Variants in ETFA observed in about 807,000 individuals in gnomAD.
ETFA encodes electron transfer flavoprotein subunit alpha, mitochondrial.
ETFA carries 22 observed loss-of-function variants against 46.2 expected under a neutral mutation model. The ratio of observed to expected loss-of-function variants is 0.48; its 90% CI spans 0.34 to 0.68. The LOEUF is 0.68. Among genes scored for constraint, ETFA ranks in the 30% least tolerant of loss-of-function variants. The probability of loss-of-function intolerance (pLI) is 0.01; values close to 1 mark genes in which losing one functional copy is unlikely to be tolerated. For missense variants in ETFA, 345 were observed against 401.1 expected (o/e 0.86, Z 1.19); for synonymous variants, 131 against 139.9 (o/e 0.94, Z 0.45).
At chr15:76,219,649 A>C (rs2142103324) in intron 11 of ETFA, among the ~76,000 whole-genome samples, 1 of 152,364 alleles carries the variant, frequency 6.6e-6, no homozygotes, top group East Asian at 1.9e-4. Flanking sequence ...AGCCCAACTG[A>C]AAATGGGCAA....
chr15:76,291,442 T>C (rs780161607), intron 4 of ETFA, among the ~76,000 whole-genome samples: 5 of 62,208 alleles, frequency 8.0e-5, no homozygotes, highest in Non-Finnish European at 1.1e-4. Flanking sequence ...TAAGACTCCA[T>C]CTCGAAAAAA....
At chr15:76,246,824 A>C (rs2039247473) in intron 9 of ETFA, among the ~76,000 whole-genome samples, 1 of 151,272 alleles carries the variant, frequency 6.6e-6, no homozygotes, top group Non-Finnish European at 1.5e-5. Context: ...CGGAGCCAAG[A>C]CTCCGTCTCA....
intron 9 of ETFA, among the ~76,000 whole-genome samples, chr15:76,241,482 T>G (rs2039187459): frequency 6.6e-6 from 1 of 151,506 alleles, no homozygotes. Context: ...CCAGCTTAGC[T>G]AATAGAGTGA....
intron 9 of ETFA, 100 bp downstream of exon 9, chr15:76,274,312 A>G (rs1249456806): frequency 2.1e-6 from 2 of 936,102 alleles, no homozygotes; most frequent in African/African-American, 1.6e-5. Context: ...ACTGCTCAGG[A>G]ACACTGAGTA....
intron 9 of ETFA, among the ~76,000 whole-genome samples, chr15:76,271,390 C>T (rs2141511831): frequency 6.6e-6 from 1 of 152,206 alleles, no homozygotes; most frequent in South Asian, 2.1e-4. Flanking sequence ...CTGTGATATT[C>T]CTGTTCAAGA....
intron 7 of ETFA, 88 bp from the exon 8 acceptor site, chr15:76,283,913 T>C: frequency 1.1e-6 from 1 of 903,958 alleles, no homozygotes; most frequent in South Asian, 1.4e-5. Context: ...GGAGTAAATT[T>C]TCATATTATG....
At chr15:76,233,965 T>C (rs540516388) in intron 9 of ETFA, among the ~76,000 whole-genome samples, 28 of 152,286 alleles carry the variant, frequency 1.8e-4, no homozygotes, top group African/African-American at 6.7e-4. Flanking sequence ...ATAAACATAA[T>C]ATAAATGAAA....
chr15:76,278,634 C>T lies in ETFA; in HGVS notation c.734-4140G>A, dbSNP rs147861846. Among the ~76,000 whole-genome samples, 176 of 152,316 alleles carry T rather than the reference C, an allele frequency of 1.2e-3. 1 individual carries two copies. The highest frequency in any genetic ancestry group is 4.1e-3 in the African/African-American group (169 of 41,572). On this transcript the variant is annotated intron_variant, in intron 8 of 11. Transcript: ENST00000557943. ...GCAGTTATACTAAGTTCCCCCAGTC[C>T]TTTCATTAGCTGTTTCCTAAACTAT... is the stretch of plus-strand genomic sequence containing the variant.
chr15:76,282,314 C>CA (rs1486280760), intron 8 of ETFA, among the ~76,000 whole-genome samples: 2 of 152,088 alleles, frequency 1.3e-5, no homozygotes, highest in Non-Finnish European at 2.9e-5. Context: ...CCAGGGATAT[C>CA]AGAGTAGCCA....
At chr15:76,303,397 T>C (rs1018344612) in intron 1 of ETFA, among the ~76,000 whole-genome samples, 3 of 152,132 alleles carry the variant, frequency 2.0e-5, no homozygotes, top group Non-Finnish European at 2.9e-5. Flanking sequence ...ATTTTGAACA[T>C]AGACCCTGGC....
intron 9 of ETFA, among the ~76,000 whole-genome samples, chr15:76,231,751 C>T (rs900159159): frequency 1.1e-4 from 17 of 152,170 alleles, no homozygotes; most frequent in African/African-American, 3.9e-4. Flanking sequence ...AAAATCACTG[C>T]ACAACCCATA....
At chr15:76,260,614 C>G in intron 9 of ETFA, 1 of 1,522,372 alleles carries the variant, frequency 6.6e-7, no homozygotes, top group Non-Finnish European at 9.0e-7. Flanking sequence ...GTTCCATTGT[C>G]TTAAACCCAG....
At position 76,286,267 on chromosome 15, in the gene ETFA, T is replaced by G. The variant is rs188388121; in HGVS notation, c.562+104A>C. The G allele has an allele frequency of 1.8e-3, 1,145 of 645,416 alleles. 9 individuals are homozygous for G. Among genetic ancestry groups the G allele is most frequent in the African/African-American group, 0.017 (937 of 54,584 alleles). The allele number at this position is 645,416 out of a possible 1,614,324, so 40.0% of individuals were successfully genotyped here. Reference sequence around the variant, plus strand: ...ATATCATTTAAATTGAACTTTCAAATACTATTCATTAGAAATGTAGGCAGA... The same window carrying G: ...ATATCATTTAAATTGAACTTTCAAAGACTATTCATTAGAAATGTAGGCAGA... On this transcript the variant is annotated intron_variant, in intron 6 of 11. Coordinates refer to ENST00000557943, the MANE Select transcript of ETFA (RefSeq NM_000126.4).
rs559731683 is a variant in ETFA, at chr15:76,254,824, G to A, written c.816+19588C>T. Among the ~76,000 whole-genome samples the A allele has an allele frequency of 6.3e-4, 96 of 152,198 alleles. 1 individual carries two copies. The highest frequency in any genetic ancestry group is 2.3e-3 in the African/African-American group (95 of 41,510). On this transcript the variant is annotated intron_variant, in intron 9 of 11. Transcript: ENST00000557943. Reference sequence around the variant, plus strand: ...TAGGGATTAACTTAGTTTGTTCTCAGGACAGTACAGCAGTGTGTGTTCTTA... The same window carrying A: ...TAGGGATTAACTTAGTTTGTTCTCAAGACAGTACAGCAGTGTGTGTTCTTA...
intron 1 of ETFA, among the ~76,000 whole-genome samples, chr15:76,307,737 G>A (rs1261635661): frequency 6.6e-6 from 1 of 152,070 alleles, no homozygotes; most frequent in African/African-American, 2.4e-5. Context: ...ATCTGCCTCA[G>A]CCTCCCAAAG....
intron 10 of ETFA, among the ~76,000 whole-genome samples, chr15:76,227,394 G>C (rs1342444932): frequency 6.6e-6 from 1 of 151,272 alleles, no homozygotes; most frequent in Non-Finnish European, 1.5e-5. Flanking sequence ...GTGCGCACCT[G>C]TACTCCCAGC....
Position 76,226,565 on chromosome 15 carries a change from T to C in ETFA, c.883-636A>G, listed in dbSNP as rs183295583. On this transcript the variant is annotated intron_variant, in intron 10 of 11. Transcript: ENST00000557943. ...CGCCACTGCACTCCAGCAGTGAGAC[T>C]CTGTCTCAACAAAAATAAAAATAAA... 1.0e-3 allele frequency among the ~76,000 whole-genome samples: 156 copies of C among 149,312 alleles called. 2 individuals are homozygous for C. In the East Asian group the frequency reaches 0.024, roughly 23 times the overall value.
rs964219558 is a variant in ETFA, at chr15:76,261,372, G to A, written c.816+13040C>T. 5.7e-5 allele frequency: 75 copies of A among 1,319,138 alleles called. No individual in the cohort carries two copies. In the Admixed American group the frequency reaches 1.2e-3, roughly 21 times the overall value. 81.7% of individuals were successfully genotyped at this position (1,319,138 alleles called of 1,614,324 possible). ...CCACCTTGCACCAGTACTGGCCCGT[G>A]TCAGAGCGCTCCACTGACTTCAGGC... On this transcript the variant is annotated intron_variant, in intron 9 of 11. Coordinates refer to ENST00000557943, the MANE Select transcript of ETFA (RefSeq NM_000126.4).
At position 76,225,420 on chromosome 15, in the gene ETFA, C is replaced by G. The variant is rs534875449; in HGVS notation, c.963+429G>C. The stretch of plus-strand genomic sequence containing the variant: ...TCTCCTGCCTCAGCCTCCCGAGTAG[C>G]TGGGACTACAGGCGCCTGCCACCAC... On this transcript the variant is annotated intron_variant, in intron 11 of 11. Coordinates refer to ENST00000557943, the MANE Select transcript of ETFA (RefSeq NM_000126.4). 1.4e-3 allele frequency among the ~76,000 whole-genome samples: 217 copies of G among 152,240 alleles called. 1 individual carries two copies. Among genetic ancestry groups the G allele is most frequent in the African/African-American group, 4.8e-3 (198 of 41,538 alleles).
Sources: gnomAD v4.1 joint callset for allele counts (sites outside exome capture counted in the v4.1 genomes callset) on GRCh38, gnomAD v4.1.1 for gene constraint, MANE v1.5 for transcripts, NCBI Gene and HGNC (gene_info 2026-07-23, HGNC 2026-07-21) for gene names.